The following GAPDHS variants were observed in gnomAD, a reference collection of about 807,000 sequenced individuals.
GAPDHS encodes glyceraldehyde-3-phosphate dehydrogenase, spermatogenic.
A neutral mutation model predicts 48.7 loss-of-function variants in GAPDHS; 42 were observed. That is an observed-to-expected ratio of 0.86 (90% CI 0.67 to 1.12). The LOEUF (loss-of-function observed/expected upper bound fraction) is 1.12, where lower values mean the gene tolerates loss of function less well. GAPDHS is among the 50% of genes most tolerant of loss of function. The pLI, the probability that GAPDHS is intolerant of heterozygous loss-of-function variation, is 0.00. For missense variants in GAPDHS, 512 were observed against 557.7 expected, an observed-to-expected ratio of 0.92 and a Z score of 0.82; for synonymous variants, 166 against 219.1, an observed-to-expected ratio of 0.76 and a Z score of 2.14.
At chr19:35,542,668 C>T in intron 6 of GAPDHS, 60 bp downstream of exon 6, 2 of 1,135,058 alleles carry the variant, frequency 1.8e-6, no homozygotes, top group African/African-American at 1.5e-5. Flanking sequence ...GTCCTCCCCA[C>T]CCTCAGCCCC....
intron 1 of GAPDHS, among the ~76,000 whole-genome samples, chr19:35,535,894 CG>C (rs1320694990): frequency 6.6e-6 from 1 of 151,832 alleles, no homozygotes; most frequent in African/African-American, 2.4e-5. Flanking sequence ...CTCAGCCCCC[CG>C]AGGAGCTGGG....
chr19:35,537,707 C>T (rs749747097), intron 2 of GAPDHS, among the ~76,000 whole-genome samples: 6 of 152,144 alleles, frequency 3.9e-5, no homozygotes, highest in Admixed American at 6.5e-5. Context: ...TAGCGAGACT[C>T]TGTCTCTACA....
At chr19:35,533,653 C>A in intron 1 of GAPDHS, 59 bp downstream of exon 1, 1 of 1,282,862 alleles carries the variant, frequency 7.8e-7, no homozygotes, top group Non-Finnish European at 1.1e-6. Flanking sequence ...GGAGCGTCTG[C>A]ACCCTCACAC....
At chr19:35,543,134 G>C (rs2071517085) in intron 7 of GAPDHS, 108 bp downstream of exon 7, 1 of 1,023,888 alleles carries the variant, frequency 9.8e-7, no homozygotes, top group African/African-American at 1.6e-5. Context: ...GGTTTCGGGA[G>C]GAGAGGCCCA....
At position 35,538,342 on chromosome 19, in the gene GAPDHS, G is replaced by A. The variant is rs1470756690; in HGVS notation, c.281G>A (p.Cys94Tyr). Residue 94 changes from cysteine (C) to tyrosine (Y), a missense_variant, in exon 3 of 11, where the codon TGC becomes TAC. Physicochemically the swap from Cys to Tyr is radical, Grantham distance 194. Coordinates refer to ENST00000222286, the MANE Select transcript of GAPDHS (RefSeq NM_014364.5). ...GRIGRLVLRACMEKGVKVVAV... is the reference protein window; with the variant it reads ...GRIGRLVLRAYMEKGVKVVAV... ...ATCGGTCGCCTGGTCCTGCGCGCCT[G>A]CATGGAGAAGGGTGTTAAGGTGGTG... 6.2e-7 allele frequency: 1 copy of A among 1,613,804 alleles called. No individual in the cohort carries two copies. The highest frequency in any genetic ancestry group is 8.5e-7 in the Non-Finnish European group (1 of 1,179,808).
chr19:35,537,701 G>A (rs944955601), intron 2 of GAPDHS, among the ~76,000 whole-genome samples: 4 of 152,020 alleles, frequency 2.6e-5, no homozygotes, highest in African/African-American at 2.4e-5. Flanking sequence ...GCAACATAGC[G>A]AGACTCTGTC....
intron 9 of GAPDHS, 139 bp downstream of exon 9, chr19:35,543,966 G>A: frequency 3.5e-6 from 5 of 1,411,332 alleles, no homozygotes; most frequent in Non-Finnish European, 4.6e-6. Context: ...CAGGGCCTTT[G>A]CACTTGCTGT....
At chr19:35,538,785 C>A in intron 4 of GAPDHS, 102 bp downstream of exon 4, 1 of 749,250 alleles carries the variant, frequency 1.3e-6, no homozygotes, top group Non-Finnish European at 2.4e-6. Context: ...GGTGCTGAAA[C>A]CACCCCCAAA....
intron 9 of GAPDHS, chr19:35,544,492 C>G (rs1213068274): frequency 5.1e-6 from 1 of 196,742 alleles, no homozygotes; most frequent in Non-Finnish European, 1.1e-5. Context: ...TTTCATGACA[C>G]TAGGGCTAAA....
intron 1 of GAPDHS, among the ~76,000 whole-genome samples, chr19:35,536,375 T>G (rs947356512): frequency 2.0e-5 from 3 of 151,202 alleles, no homozygotes; most frequent in African/African-American, 4.9e-5. Context: ...AGGTCAGGAG[T>G]TCGAGACCAG....
chr19:35,543,587 GC>G (rs1266784469), intron 8 of GAPDHS, 77 bp from the exon 9 acceptor site: 7 of 1,581,444 alleles, frequency 4.4e-6, no homozygotes, highest in Non-Finnish European at 6.0e-6. Flanking sequence ...CAGGGGCCTG[GC>G]CCAGCCACAG....
rs779515547 is a variant in GAPDHS at position 35,543,619 on chromosome 19, A to C, written c.894-46A>C. On this transcript the variant is annotated intron_variant, in intron 8 of 10. Coordinates refer to ENST00000222286, the MANE Select transcript of GAPDHS (RefSeq NM_014364.5). ...CACAGGGAAAGGGGGAATGGAGGGC[A>C]ACGTCCCTAAGTTCTGACTCCTGTT... is the stretch of plus-strand genomic sequence containing the variant. 49 of 1,598,946 alleles carry C rather than the reference A, an allele frequency of 3.1e-5. 1 individual carries two copies. The South Asian group carries it at 5.3e-4, about 17-fold the overall frequency.
intron 4 of GAPDHS, among the ~76,000 whole-genome samples, chr19:35,539,926 A>G (rs1023643455): frequency 1.3e-5 from 2 of 152,114 alleles, no homozygotes; most frequent in African/African-American, 4.8e-5. Context: ...GTCCCGACTC[A>G]GGTCTTGCCT....
intron 2 of GAPDHS, 36 bp from the exon 3 acceptor site, chr19:35,538,271 C>T: frequency 6.8e-7 from 1 of 1,475,048 alleles, no homozygotes; most frequent in East Asian, 2.3e-5. Context: ...CCATTACCCC[C>T]TTCTCTCCCA....
Position 35,543,340 on chromosome 19 carries a change from A to G in GAPDHS, c.742A>G (p.Thr248Ala), listed in dbSNP as rs745890899. The G allele has an allele frequency of 1.9e-6, 3 of 1,610,504 alleles. No homozygotes were observed. Among genetic ancestry groups the G allele is most frequent in the Non-Finnish European group, 2.5e-6 (3 of 1,179,018 alleles). Reference protein sequence around the residue: ...ERFGIVEGLMTTVHSYTATQK... With the variant: ...ERFGIVEGLMATVHSYTATQK... The stretch of plus-strand genomic sequence containing the variant: ...CATCTTGGTCCTTCTCTTCCCCAAG[A>G]CCACAGTCCATTCCTACACGGCCAC... Residue 248 changes from threonine to alanine, a missense_variant and splice_region_variant, in exon 8 of 11, where the codon ACC becomes GCC. By Grantham distance (58) the Thr-to-Ala change is moderately conservative. Coordinates refer to ENST00000222286, the MANE Select transcript of GAPDHS (RefSeq NM_014364.5).
At position 35,538,641 on chromosome 19, in the gene GAPDHS, G is replaced by A. The variant is rs2146294175; in HGVS notation, c.407G>A (p.Gly136Glu). ...RYKGSVEFRNGQLVVDNHEIS... is the reference protein window; with the variant it reads ...RYKGSVEFRNEQLVVDNHEIS... ...AAGGGAAGTGTGGAATTCAGGAATG[G>A]ACAACTGGTCGTGGACAACCATGAG... Residue 136 changes from glycine (G) to glutamate (E), a missense_variant, in exon 4 of 11, where the codon GGA becomes GAA. Gly to Glu is a moderately conservative substitution (Grantham distance 98, BLOSUM62 -2). Transcript: ENST00000222286. 6.2e-7 allele frequency: 1 copy of A among 1,611,690 alleles called. No individual in the cohort carries two copies. Among genetic ancestry groups the A allele is most frequent in the South Asian group, 1.1e-5 (1 of 91,028 alleles).
At position 35,538,270 on chromosome 19, in the gene GAPDHS, C is replaced by A. The variant is rs556643438; in HGVS notation, c.246-37C>A. 10 of 1,449,520 alleles carry A rather than the reference C, an allele frequency of 6.9e-6. No homozygotes were observed. The Admixed American group carries it at 7.0e-5, about 10-fold the overall frequency. 89.8% of individuals were successfully genotyped at this position (1,449,520 alleles called of 1,614,324 possible). A position where few individuals can be genotyped will look rare whatever the true frequency, so the allele number is the denominator to read the frequency against. On this transcript the variant is annotated intron_variant, in intron 2 of 10. Coordinates refer to ENST00000222286, the MANE Select transcript of GAPDHS (RefSeq NM_014364.5). ...TGAGGGAGCCTCCTCTCCATTACCC[C>A]CTTCTCTCCCATCCCTTCCTGTCTG...
rs1178666251 is a variant in GAPDHS at position 35,544,906 on chromosome 19, C to T, written c.1057-3C>T. 1 of 1,600,472 alleles carries T rather than the reference C, an allele frequency of 6.2e-7. No individual in the cohort carries two copies. Among genetic ancestry groups the T allele is most frequent in the Admixed American group, 1.7e-5 (1 of 60,012 alleles). On this transcript the variant is annotated splice_region_variant and splice_polypyrimidine_tract_variant and intron_variant, in intron 9 of 10. Transcript: ENST00000222286. ...CACTTATCTTTGAAATTCTGACTTC[C>T]AGGTCGTCTCTACGGACTTCCTCGG...
Position 35,545,206 on chromosome 19 carries a change from G to A in GAPDHS, c.*36G>A, listed in dbSNP as rs1351932720. ...TCCTTTCTTTCCTTCCCAGGGGCCG[G>A]GGCCGGAACATGTGCCTCCCGTTCC... On this transcript the variant is annotated 3_prime_UTR_variant, in exon 11 of 11. Coordinates refer to ENST00000222286, the MANE Select transcript of GAPDHS (RefSeq NM_014364.5). The A allele has an allele frequency of 6.4e-7, 1 of 1,565,380 alleles. No individual in the cohort carries two copies. The highest frequency in any genetic ancestry group is 1.7e-5 in the Admixed American group (1 of 59,986).
Sources: gnomAD v4.1 joint callset for allele counts (sites outside exome capture counted in the v4.1 genomes callset) on GRCh38, gnomAD v4.1.1 for gene constraint, MANE v1.5 for transcripts, NCBI Gene and HGNC (gene_info 2026-07-23, HGNC 2026-07-21) for gene names.